KCTD8: variants seen among roughly 807,000 people sequenced by gnomAD.
KCTD8 encodes BTB/POZ domain-containing protein KCTD8.
In KCTD8, 27 loss-of-function variants were observed where a neutral mutation model predicts 31.5. The ratio of observed to expected loss-of-function variants is 0.86; its 90% CI spans 0.63 to 1.18. The LOEUF (loss-of-function observed/expected upper bound fraction) is 1.18. Ranked by LOEUF, KCTD8 falls within the 50% of genes most tolerant of loss-of-function variation. The pLI, the probability that KCTD8 is intolerant of heterozygous loss-of-function variation, is 0.00. For synonymous variants in KCTD8, 290 were observed against 280.0 expected, an observed-to-expected ratio of 1.04 and a Z score of -0.36; for missense variants, 658 against 647.7, an observed-to-expected ratio of 1.02 and a Z score of -0.17.
chr4:44,428,173 T>C (rs1437418820), intron 1 of KCTD8, among the ~76,000 whole-genome samples: 1 of 151,706 alleles, frequency 6.6e-6, no homozygotes, highest in African/African-American at 2.4e-5. Context: ...ATACAAAATT[T>C]GATGAAAACA....
At chr4:44,188,524 T>C (rs1220261239) in intron 1 of KCTD8, among the ~76,000 whole-genome samples, 2 of 152,174 alleles carry the variant, frequency 1.3e-5, no homozygotes, top group Non-Finnish European at 2.9e-5. Context: ...GGAAGTCCTT[T>C]GTAGTAGGCT....
intron 1 of KCTD8, among the ~76,000 whole-genome samples, chr4:44,442,325 G>A (rs988284706): frequency 1.3e-5 from 2 of 152,092 alleles, no homozygotes; most frequent in African/African-American, 4.8e-5. Context: ...GGCAGCTCAC[G>A]CCTGTAATCC....
At chr4:44,416,410 G>C (rs991191813) in intron 1 of KCTD8, among the ~76,000 whole-genome samples, 8 of 152,112 alleles carry the variant, frequency 5.3e-5, no homozygotes, top group Non-Finnish European at 1.0e-4. Context: ...ATGTGAGAAG[G>C]GTATGAGTTT....
intron 1 of KCTD8, among the ~76,000 whole-genome samples, chr4:44,445,779 A>G (rs1277465936): frequency 6.6e-6 from 1 of 152,196 alleles, no homozygotes; most frequent in African/African-American, 2.4e-5. Flanking sequence ...AGTTCATTTT[A>G]CCTTATCTTC....
intron 1 of KCTD8, among the ~76,000 whole-genome samples, chr4:44,231,046 C>T (rs371128163): frequency 6.6e-6 from 1 of 152,228 alleles, no homozygotes; most frequent in Non-Finnish European, 1.5e-5. Context: ...AGTGTTCCTC[C>T]ACTGGGCAGC....
chr4:44,304,945 A>G (rs1348622003), intron 1 of KCTD8, among the ~76,000 whole-genome samples: 3 of 151,902 alleles, frequency 2.0e-5, no homozygotes, highest in Non-Finnish European at 2.9e-5. Context: ...AGGTGACAGA[A>G]CTAGATCCTG....
chr4:44,374,222 C>T (rs1719862722), intron 1 of KCTD8, among the ~76,000 whole-genome samples: 1 of 152,152 alleles, frequency 6.6e-6, no homozygotes, highest in Non-Finnish European at 1.5e-5. Context: ...TATAGATGTG[C>T]TTGTTGAATG....
chr4:44,226,885 T>C (rs1297916758), intron 1 of KCTD8, among the ~76,000 whole-genome samples: 1 of 150,854 alleles, frequency 6.6e-6, no homozygotes, highest in South Asian at 2.1e-4. Context: ...TTAGATGGAG[T>C]TGTTTTTTTT....
intron 1 of KCTD8, among the ~76,000 whole-genome samples, chr4:44,418,676 T>A (rs1177050432): frequency 3.3e-5 from 5 of 152,210 alleles, no homozygotes; most frequent in African/African-American, 9.6e-5. Context: ...TAGACATGCC[T>A]TTCACAGAAT....
intron 1 of KCTD8, among the ~76,000 whole-genome samples, chr4:44,216,309 T>A (rs1714649719): frequency 6.6e-6 from 1 of 152,154 alleles, no homozygotes; most frequent in South Asian, 2.1e-4. Context: ...GTAGATATAT[T>A]AAATCGTATT....
At chr4:44,426,909 A>T (rs1042002672) in intron 1 of KCTD8, among the ~76,000 whole-genome samples, 1 of 151,752 alleles carries the variant, frequency 6.6e-6, no homozygotes, top group Non-Finnish European at 1.5e-5. Flanking sequence ...TATATGTGCA[A>T]ATTCCAAAAT....
chr4:44,187,562 C>A (rs543683834), intron 1 of KCTD8, among the ~76,000 whole-genome samples: 2 of 152,332 alleles, frequency 1.3e-5, no homozygotes, highest in Admixed American at 1.3e-4. Flanking sequence ...TTTTCACATG[C>A]CCAGGTAGCA....
chr4:44,209,732 G>A (rs373933300), intron 1 of KCTD8, among the ~76,000 whole-genome samples: 1 of 152,040 alleles, frequency 6.6e-6, no homozygotes, highest in Admixed American at 6.6e-5. Context: ...GTTAACATTG[G>A]ATGTGAACAT....
chr4:44,229,702 T>C (rs1293554202), intron 1 of KCTD8, among the ~76,000 whole-genome samples: 1 of 152,076 alleles, frequency 6.6e-6, no homozygotes, highest in Admixed American at 6.6e-5. Flanking sequence ...AAGCCTTTTT[T>C]TTTCTTCTTC....
In KCTD8 at chr4:44,305,342, CA is replaced by C. The variant is rs1208200138; in HGVS notation, c.962-130093del. Among the ~76,000 whole-genome samples, 5 of 150,946 alleles carry C rather than the reference CA, an allele frequency of 3.3e-5. No homozygotes were observed. In the South Asian group the frequency reaches 6.3e-4, roughly 19 times the overall value. On this transcript the variant is annotated intron_variant, in intron 1 of 1. Coordinates refer to ENST00000360029, the MANE Select transcript of KCTD8 (RefSeq NM_198353.3). ...TTAAAGTTGGGTTGCTTCCTGATTA[CA>C]AAAAAATTTTACAAGTTAACAGGAC...
chr4:44,209,038 A>G (rs1300177193), intron 1 of KCTD8, among the ~76,000 whole-genome samples: 2 of 152,104 alleles, frequency 1.3e-5, no homozygotes, highest in African/African-American at 4.8e-5. Context: ...AATGTTATGT[A>G]TTTCTGTTTA....
intron 1 of KCTD8, among the ~76,000 whole-genome samples, chr4:44,391,633 A>G (rs191678521): frequency 2.0e-5 from 3 of 151,880 alleles, no homozygotes; most frequent in Admixed American, 6.6e-5. Flanking sequence ...ACTATGTGTT[A>G]ATCAACTGTT....
intron 1 of KCTD8, among the ~76,000 whole-genome samples, chr4:44,360,218 C>T (rs79317522): frequency 0.026 from 3,979 of 152,042 alleles, 88 homozygotes; most frequent in Middle Eastern, 0.1. Flanking sequence ...ATTACCCCAA[C>T]TGTTTTACAC....
intron 1 of KCTD8, among the ~76,000 whole-genome samples, chr4:44,376,401 C>G (rs561640025): frequency 2.2e-4 from 33 of 152,306 alleles, no homozygotes; most frequent in Non-Finnish European, 4.4e-5. Context: ...GCCACCACCC[C>G]TACTTCAGCC....
Sources: gnomAD v4.1 joint callset for allele counts (sites outside exome capture counted in the v4.1 genomes callset) on GRCh38, gnomAD v4.1.1 for gene constraint, MANE v1.5 for transcripts, NCBI Gene and HGNC (gene_info 2026-07-23, HGNC 2026-07-21) for gene names.